DPYD: variants seen among roughly 807,000 people sequenced by gnomAD.
DPYD encodes dihydropyrimidine dehydrogenase.
DPYD carries 109 observed loss-of-function variants against 116.2 expected under a neutral mutation model. The ratio of observed to expected loss-of-function variants is 0.94; its 90% CI spans 0.80 to 1.10. The LOEUF is 1.10. Among genes scored for constraint, DPYD ranks in the 50% least tolerant of loss-of-function variants. The probability of loss-of-function intolerance (pLI) is 0.00; values close to 1 mark genes in which losing one functional copy is unlikely to be tolerated. For missense variants in DPYD, 1,302 were observed against 1,254.5 expected, an observed-to-expected ratio of 1.04 and a Z score of -0.57; for synonymous variants, 440 against 432.0, an observed-to-expected ratio of 1.02 and a Z score of -0.23.
chr1:97,149,333 ACT>A (rs913186245), intron 20 of DPYD, among the ~76,000 whole-genome samples: 1 of 152,106 alleles, frequency 6.6e-6, no homozygotes, highest in Admixed American at 6.5e-5. Context: ...CTCACTGCAA[ACT>A]CTGCCTCCTG....
At chr1:97,573,276 G>GA (rs1653028722) in intron 11 of DPYD, among the ~76,000 whole-genome samples, 2 of 151,980 alleles carry the variant, frequency 1.3e-5, no homozygotes, top group Admixed American at 1.3e-4. Flanking sequence ...CCATCCAGGT[G>GA]AAAATGACAG....
chr1:97,869,144 C>G (rs551879170), intron 2 of DPYD, among the ~76,000 whole-genome samples: 78 of 151,758 alleles, frequency 5.1e-4, no homozygotes, highest in Non-Finnish European at 1.0e-3. Context: ...GAAAAAGAAT[C>G]TCTTGTCATA....
intron 14 of DPYD, among the ~76,000 whole-genome samples, chr1:97,427,109 C>T (rs1051359647): frequency 3.3e-5 from 5 of 152,008 alleles, no homozygotes; most frequent in East Asian, 1.9e-4. Context: ...TAAGAAAATT[C>T]ATATCTACAA....
intron 13 of DPYD, among the ~76,000 whole-genome samples, chr1:97,506,130 G>A (rs1647305900): frequency 6.6e-6 from 1 of 151,958 alleles, no homozygotes; most frequent in Non-Finnish European, 1.5e-5. Context: ...ACAGCGAACT[G>A]TAATTTTACT....
chr1:97,365,042 T>G (rs775373339), intron 16 of DPYD, among the ~76,000 whole-genome samples: 16 of 152,214 alleles, frequency 1.1e-4, no homozygotes, highest in Non-Finnish European at 1.8e-4. Flanking sequence ...GTGCCTCTGA[T>G]ACCTTCGTTT....
At chr1:97,326,367 T>A (rs948280799) in intron 16 of DPYD, among the ~76,000 whole-genome samples, 1 of 151,848 alleles carries the variant, frequency 6.6e-6, no homozygotes, top group Non-Finnish European at 1.5e-5. Context: ...TTAATAGAAA[T>A]CTGGATCTCA....
At chr1:97,393,942 C>T (rs1672863711) in intron 14 of DPYD, among the ~76,000 whole-genome samples, 1 of 152,134 alleles carries the variant, frequency 6.6e-6, no homozygotes, top group Non-Finnish European at 1.5e-5. Flanking sequence ...TCCATATCCT[C>T]TCCAGCACCT....
intron 7 of DPYD, among the ~76,000 whole-genome samples, chr1:97,683,065 A>C (rs1472302448): frequency 1.3e-5 from 2 of 152,034 alleles, no homozygotes; most frequent in Non-Finnish European, 2.9e-5. Flanking sequence ...GTGGAGTATA[A>C]ATCTTCAAAT....
intron 3 of DPYD, among the ~76,000 whole-genome samples, chr1:97,810,286 C>CAAAAAAA (rs71071672): frequency 2.7e-5 from 2 of 73,580 alleles, no homozygotes; most frequent in East Asian, 3.7e-4. Flanking sequence ...GACTCCATCT[C>CAAAAAAA]AAAAAAAAAA....
At chr1:97,374,924 G>C (rs962637732) in intron 15 of DPYD, among the ~76,000 whole-genome samples, 1 of 149,804 alleles carries the variant, frequency 6.7e-6, no homozygotes, top group Non-Finnish European at 1.5e-5. Context: ...AGCTACTTGG[G>C]AAGCTGAGGC....
chr1:97,314,984 A>T (rs181209401), intron 16 of DPYD, among the ~76,000 whole-genome samples: 16 of 152,112 alleles, frequency 1.1e-4, no homozygotes, highest in African/African-American at 3.9e-4. Context: ...AAGAAATGGA[A>T]GCAGGGCTCA....
At chr1:97,363,773 T>G (rs943859241) in intron 16 of DPYD, among the ~76,000 whole-genome samples, 1 of 151,994 alleles carries the variant, frequency 6.6e-6, no homozygotes, top group African/African-American at 2.4e-5. Flanking sequence ...GGACACAGGA[T>G]GGGGAACATC....
chr1:97,450,233 G>A lies in DPYD; in HGVS notation c.1741-10C>T, dbSNP rs1242897901. 2.5e-6 allele frequency: 4 copies of A among 1,613,082 alleles called. No individual in the cohort carries two copies. Among genetic ancestry groups the A allele is most frequent in the Admixed American group, 1.7e-5 (1 of 59,898 alleles). On this transcript the variant is annotated splice_polypyrimidine_tract_variant and intron_variant, in intron 13 of 22. Transcript: ENST00000370192. ...CATTTGTCACAATGTCCTGATGAAA[G>A]AGTAAAGATATTGAGTCTCCTTTTG...
rs138408583 is a variant in DPYD, at chr1:97,618,640, C to T, written c.851-23474G>A. 7.2e-3 allele frequency among the ~76,000 whole-genome samples: 1,091 copies of T among 152,184 alleles called. 12 individuals are homozygous for T. Among genetic ancestry groups the T allele is most frequent in the Admixed American group, 9.8e-3 (149 of 15,274 alleles). Reference sequence around the variant, plus strand: ...CAGTAATAACCAGTTCAGAGTCCGGCGCCAGTCTATGGCTACACAACCAGC... The same window carrying T: ...CAGTAATAACCAGTTCAGAGTCCGGTGCCAGTCTATGGCTACACAACCAGC... On this transcript the variant is annotated intron_variant, in intron 8 of 22. Coordinates refer to ENST00000370192, the MANE Select transcript of DPYD (RefSeq NM_000110.4).
intron 20 of DPYD, among the ~76,000 whole-genome samples, chr1:97,173,077 G>A (rs868488987): frequency 2.6e-5 from 4 of 151,808 alleles, no homozygotes; most frequent in African/African-American, 7.3e-5. Flanking sequence ...TTGGGTTTGC[G>A]TCCGGCTTCC....
intron 3 of DPYD, among the ~76,000 whole-genome samples, chr1:97,778,241 G>A (rs982738646): frequency 2.0e-5 from 3 of 147,808 alleles, no homozygotes; most frequent in African/African-American, 7.5e-5. Flanking sequence ...AGGGAGGAAG[G>A]GAGGGAAGGA....
At chr1:97,898,777 T>C (rs1673209054) in intron 1 of DPYD, among the ~76,000 whole-genome samples, 1 of 151,892 alleles carries the variant, frequency 6.6e-6, no homozygotes, top group Non-Finnish European at 1.5e-5. Context: ...TGGTAGTGAA[T>C]ACGTCTCATG....
At chr1:97,510,126 A>C (rs1472211047) in intron 13 of DPYD, among the ~76,000 whole-genome samples, 1 of 151,934 alleles carries the variant, frequency 6.6e-6, no homozygotes, top group East Asian at 1.9e-4. Flanking sequence ...CAAAAAAAAA[A>C]AAACTCAGAG....
At chr1:97,546,665 C>A in intron 12 of DPYD, 1 of 1,612,830 alleles carries the variant, frequency 6.2e-7, no homozygotes, top group Non-Finnish European at 8.5e-7. Context: ...AAGGAGCAGA[C>A]ATTAATATCC....
Sources: gnomAD v4.1 joint callset for allele counts (sites outside exome capture counted in the v4.1 genomes callset) on GRCh38, gnomAD v4.1.1 for gene constraint, MANE v1.5 for transcripts, NCBI Gene and HGNC (gene_info 2026-07-23, HGNC 2026-07-21) for gene names.